Variants in SNRPN observed in about 807,000 individuals in gnomAD.
SNRPN encodes small nuclear ribonucleoprotein polypeptide N, also known as small nuclear ribonucleoprotein-associated protein N.
Under a neutral mutation model 25.2 loss-of-function variants are expected in SNRPN, and 7 were observed. The observed-to-expected ratio is 0.28, with a 90% CI of 0.16 to 0.52. The LOEUF is 0.52. Among genes scored for constraint, SNRPN ranks in the 20% least tolerant of loss-of-function variants. SNRPN has a pLI of 0.96. For synonymous variants in SNRPN, 124 were observed against 110.6 expected, an observed-to-expected ratio of 1.12 and a Z score of -0.76; for missense variants, 196 against 322.5, an observed-to-expected ratio of 0.61 and a Z score of 3.00.
intron 1 of SNRPN, among the ~76,000 whole-genome samples, chr15:24,826,298 C>A (rs936679722): frequency 1.3e-5 from 2 of 152,060 alleles, no homozygotes; most frequent in African/African-American, 4.8e-5. Context: ...TTCAGACCCT[C>A]AGTTTCATCT....
chr15:24,862,752 G>A (rs1444781965), intron 1 of SNRPN, among the ~76,000 whole-genome samples: 4 of 150,850 alleles, frequency 2.7e-5, no homozygotes, highest in South Asian at 2.1e-4. Context: ...TGGACAAGGG[G>A]GGCCTTCAGG....
chr15:24,840,903 G>A (rs1053452291), intron 2 of SNRPN, among the ~76,000 whole-genome samples: 1 of 152,100 alleles, frequency 6.6e-6, no homozygotes, highest in Non-Finnish European at 1.5e-5. Context: ...CTGACCTGGT[G>A]CGATCTTGGC....
chr15:24,915,115 C>CTT (rs2059433397), intron 2 of SNRPN, among the ~76,000 whole-genome samples: 1 of 151,710 alleles, frequency 6.6e-6, no homozygotes, highest in South Asian at 2.1e-4. Context: ...GAAGAGGGTT[C>CTT]TTTTTTATAT....
chr15:24,909,559 C>T, intron 2 of SNRPN: 1 of 1,419,490 alleles, frequency 7.0e-7, no homozygotes, highest in Non-Finnish European at 9.8e-7. Flanking sequence ...GGCCAACCTT[C>T]ACACCATATT....
intron 3 of SNRPN, among the ~76,000 whole-genome samples, chr15:24,934,126 C>T (rs542194427): frequency 1.5e-3 from 234 of 152,016 alleles, no homozygotes; most frequent in Non-Finnish European, 2.4e-3. Context: ...GGTGAAACCC[C>T]GTCTCTATTA....
chr15:24,844,925 A>G (rs2052052212), intron 2 of SNRPN, among the ~76,000 whole-genome samples: 1 of 152,178 alleles, frequency 6.6e-6, no homozygotes, highest in Non-Finnish European at 1.5e-5. Flanking sequence ...TTCCTTAGAA[A>G]TTTTATGTGT....
chr15:24,881,632 A>G (rs1403290945), intron 1 of SNRPN, among the ~76,000 whole-genome samples: 1 of 149,338 alleles, frequency 6.7e-6, no homozygotes, highest in Non-Finnish European at 1.5e-5. Context: ...AGTCACAGTA[A>G]GGCACCCTAG....
At chr15:24,834,965 AG>A (rs200030263) in intron 2 of SNRPN, among the ~76,000 whole-genome samples, 116 of 92,070 alleles carry the variant, frequency 1.3e-3, no homozygotes, top group Middle Eastern at 5.0e-3. Flanking sequence ...TAGTATATAT[AG>A]TATATATATC....
intron 3 of SNRPN, among the ~76,000 whole-genome samples, chr15:24,969,252 C>G (rs1366227210): frequency 6.6e-6 from 1 of 152,098 alleles, no homozygotes; most frequent in Non-Finnish European, 1.5e-5. Flanking sequence ...CCTCAGCCTC[C>G]CAAGTATCTG....
chr15:24,932,205 A>G (rs1420690085), intron 3 of SNRPN, among the ~76,000 whole-genome samples: 4 of 152,088 alleles, frequency 2.6e-5, no homozygotes, highest in Admixed American at 2.0e-4. Context: ...ATTTTGTTCA[A>G]ATATTTATAG....
At position 24,831,742 on chromosome 15, in the gene SNRPN, C is replaced by A. The variant is rs556969472; in HGVS notation, c.-579+1837C>A. On this transcript the variant is annotated intron_variant, in intron 2 of 12. Transcript: ENST00000400100. ...CATGTGGTATTTGTCTTTCTCTTCC[C>A]GGCATATTTCATTTAACATATTGTC... 1.4e-4 allele frequency among the ~76,000 whole-genome samples: 21 copies of A among 152,090 alleles called. No individual in the cohort carries two copies. The South Asian group carries it at 3.7e-3, about 27-fold the overall frequency.
chr15:24,837,657 CCA>C (rs1295113448), intron 2 of SNRPN, among the ~76,000 whole-genome samples: 1 of 151,890 alleles, frequency 6.6e-6, no homozygotes, highest in Non-Finnish European at 1.5e-5. Flanking sequence ...GCGTGAGCCA[CCA>C]TGCCCGGCTT....
At chr15:24,950,516 G>GT (rs748907467), upstream of SNRPN, among the ~76,000 whole-genome samples, 12 of 130,842 alleles carry the variant, frequency 9.2e-5, no homozygotes, top group Middle Eastern at 4.8e-3. Context: ...GCATATACAT[G>GT]TTTTTGCATT....
chr15:24,954,920 G>A (rs2062582888), upstream of SNRPN: 3 of 1,381,558 alleles, frequency 2.2e-6, no homozygotes, highest in Admixed American at 5.8e-5. Flanking sequence ...CGGCCGCAGA[G>A]GCAGGCTGGC....
intron 3 of SNRPN, among the ~76,000 whole-genome samples, chr15:24,946,724 C>T (rs2061915086): frequency 6.6e-6 from 1 of 152,234 alleles, no homozygotes; most frequent in Non-Finnish European, 1.5e-5. Context: ...TCTGCTCAGC[C>T]TCCCAAAATA....
At chr15:24,952,276 C>G (rs572103899), upstream of SNRPN, among the ~76,000 whole-genome samples, 19 of 152,168 alleles carry the variant, frequency 1.2e-4, no homozygotes, top group Admixed American at 1.2e-3. Flanking sequence ...TTTTTCTAGT[C>G]TCCTTTGTCT....
chr15:24,852,629 A>G (rs189744517), upstream of SNRPN, among the ~76,000 whole-genome samples: 3 of 152,362 alleles, frequency 2.0e-5, no homozygotes, highest in Admixed American at 1.3e-4. Context: ...AGAAGTATTA[A>G]CATAGGGCTG....
intron 1 of SNRPN, among the ~76,000 whole-genome samples, chr15:24,959,756 A>T (rs993366520): frequency 6.6e-6 from 1 of 152,156 alleles, no homozygotes; most frequent in African/African-American, 2.4e-5. Flanking sequence ...TGGATATATC[A>T]TATTTTCTTC....
chr15:24,976,342 C>T lies in SNRPN; in HGVS notation c.193C>T (p.Arg65Trp), dbSNP rs2077057365. The change falls in exon 6 of 10, where the codon CGG (arginine) becomes TGG (tryptophan). Residue 65 changes from arginine to tryptophan, a missense_variant. Physicochemically the swap from Arg to Trp is moderately radical, Grantham distance 101. Transcript: ENST00000390687. Reference protein sequence around the residue: ...NAKQPEREEKRVLGLVLLRGE... With the variant: ...NAKQPEREEKWVLGLVLLRGE... ...GAAGCAACCAGAGCGTGAAGAAAAG[C>T]GGGTTTTGGGTCTGGTGTTGCTGCG... 1 of 1,613,052 alleles carries T rather than the reference C, an allele frequency of 6.2e-7. No homozygotes were observed. Among genetic ancestry groups the T allele is most frequent in the Admixed American group, 1.7e-5 (1 of 59,726 alleles).
Sources: allele counts gnomAD v4.1 joint callset (sites outside exome capture counted in the v4.1 genomes callset), GRCh38; gene constraint gnomAD v4.1.1; transcripts MANE v1.5; gene names NCBI Gene and HGNC (gene_info 2026-07-23, HGNC 2026-07-21).